Variants in HEATR5A observed in about 807,000 individuals in gnomAD.
HEATR5A encodes the protein HEAT repeat-containing protein 5A.
In HEATR5A, 178 loss-of-function variants were observed where a neutral mutation model predicts 218.8. The ratio of observed to expected loss-of-function variants is 0.81; its 90% CI spans 0.72 to 0.92. The LOEUF is 0.92. Among genes scored for constraint, HEATR5A ranks in the 40% least tolerant of loss-of-function variants. HEATR5A has a pLI of 0.00. For missense variants in HEATR5A, 2,420 were observed against 2,418.9 expected (o/e 1.00, Z -0.01); for synonymous variants, 864 against 871.6 (o/e 0.99, Z 0.15).
intron 13 of HEATR5A, among the ~76,000 whole-genome samples, chr14:31,364,861 A>G (rs1901745973): frequency 6.6e-6 from 1 of 152,048 alleles, no homozygotes; most frequent in African/African-American, 2.4e-5. Flanking sequence ...CTAAAGGACT[A>G]CTACTGTTTT....
intron 22 of HEATR5A, 29 bp from the exon 23 acceptor site, chr14:31,326,371 TA>T: frequency 6.4e-7 from 1 of 1,554,076 alleles, no homozygotes. Flanking sequence ...ATTATCTAAG[TA>T]ATACAGAAAA....
rs193122840 is a variant in HEATR5A, at chr14:31,398,819, A to G, written c.339-38T>C. 9.6e-5 allele frequency: 108 copies of G among 1,119,412 alleles called. 1 individual carries two copies. The East Asian group carries it at 2.2e-3, about 23-fold the overall frequency. The allele number at this position is 1,119,412 out of a possible 1,614,324, so 69.3% of individuals were successfully genotyped here. On this transcript the variant is annotated intron_variant, in intron 3 of 35. Transcript: ENST00000543095. ...TTAAATTAGAAATTAGTCACAGCTG[A>G]AAAAATAGGAATAAAAAGATCTTAG...
At chr14:31,395,773 T>A (rs1043583613) in intron 4 of HEATR5A, among the ~76,000 whole-genome samples, 2 of 152,138 alleles carry the variant, frequency 1.3e-5, no homozygotes, top group African/African-American at 4.8e-5. Flanking sequence ...TTGTAAGGAA[T>A]AAATGAGTCA....
intron 22 of HEATR5A, among the ~76,000 whole-genome samples, chr14:31,333,399 C>T (rs1900543561): frequency 6.6e-6 from 1 of 151,936 alleles, no homozygotes; most frequent in Non-Finnish European, 1.5e-5. Context: ...CAGGCACCCA[C>T]CATCATCACA....
intron 1 of HEATR5A, among the ~76,000 whole-genome samples, chr14:31,409,339 T>G (rs867814257): frequency 6.8e-6 from 1 of 147,576 alleles, no homozygotes; most frequent in Non-Finnish European, 1.5e-5. Context: ...TGAGCCACCA[T>G]GCCCGGCCTC....
At chr14:31,310,627 A>G (rs1348665377) in intron 28 of HEATR5A, among the ~76,000 whole-genome samples, 2 of 152,172 alleles carry the variant, frequency 1.3e-5, no homozygotes, top group Non-Finnish European at 2.9e-5. Context: ...GCCACAGAGC[A>G]AGACTCCACC....
chr14:31,399,265 G>A (rs1407165740), intron 3 of HEATR5A, among the ~76,000 whole-genome samples: 2 of 152,126 alleles, frequency 1.3e-5, no homozygotes, highest in Non-Finnish European at 2.9e-5. Flanking sequence ...CGACACTTAG[G>A]TGAATATGAT....
chr14:31,309,760 G>A (rs1198033561), intron 28 of HEATR5A, among the ~76,000 whole-genome samples: 1 of 151,560 alleles, frequency 6.6e-6, no homozygotes, highest in Non-Finnish European at 1.5e-5. Flanking sequence ...TCACTGCAGT[G>A]GCGTGATGTC....
At chr14:31,309,814 C>A (rs921655844) in intron 28 of HEATR5A, among the ~76,000 whole-genome samples, 1 of 151,956 alleles carries the variant, frequency 6.6e-6, no homozygotes, top group African/African-American at 2.4e-5. Flanking sequence ...GCGATTCTCC[C>A]GCCTCAGCCT....
At chr14:31,352,793 A>G (rs548556018) in intron 16 of HEATR5A, among the ~76,000 whole-genome samples, 1 of 152,194 alleles carries the variant, frequency 6.6e-6, no homozygotes, top group African/African-American at 2.4e-5. Context: ...CTCCATCTCT[A>G]TTAAAAATAT....
At chr14:31,327,214 A>T (rs1436540711) in intron 22 of HEATR5A, among the ~76,000 whole-genome samples, 1 of 148,922 alleles carries the variant, frequency 6.7e-6, no homozygotes, top group Non-Finnish European at 1.5e-5. Flanking sequence ...ACCTCAAGTG[A>T]TCCACCCACC....
chr14:31,340,564 A>C, intron 21 of HEATR5A: 1 of 790,638 alleles, frequency 1.3e-6, no homozygotes, highest in Non-Finnish European at 1.8e-6. Context: ...TAAGCATTAA[A>C]ATATAAATGT....
intron 12 of HEATR5A, among the ~76,000 whole-genome samples, chr14:31,372,474 G>A (rs936540943): frequency 6.6e-6 from 1 of 152,166 alleles, no homozygotes; most frequent in South Asian, 2.1e-4. Flanking sequence ...GAGACATGGT[G>A]TCTGGAATAA....
At chr14:31,306,999 G>GTGCA in intron 30 of HEATR5A, 120 bp from the exon 31 acceptor site, 2 of 792,926 alleles carry the variant, frequency 2.5e-6, no homozygotes, top group South Asian at 4.2e-5. Flanking sequence ...AATTGCTTTA[G>GTGCA]TGCAATAAAG....
intron 13 of HEATR5A, among the ~76,000 whole-genome samples, chr14:31,368,695 CTATTTATTTATTTATTTATTTATTTATT>C (rs71708210): frequency 7.7e-6 from 1 of 130,604 alleles, no homozygotes; most frequent in African/African-American, 2.7e-5. Context: ...ACATCTGACT[CTATTTATTTATTTATTTATTTATTTATT>C]TATTTATTTA....
At position 31,305,010 on chromosome 14, in the gene HEATR5A, C is replaced by T; in HGVS notation, c.5134G>A (p.Gly1712Arg). 1 of 1,613,914 alleles carries T rather than the reference C, an allele frequency of 6.2e-7. No homozygotes were observed. The highest frequency in any genetic ancestry group is 8.5e-7 in the Non-Finnish European group (1 of 1,179,874). The stretch of plus-strand genomic sequence containing the variant: ...ATCTGTGGCTTCGTAGCTTTTACTC[C>T]TGGGCTACCTGTCAATTTAGGGTTT... ...ELNPKLTGSP[G>R]VKATKPQILL... Residue 1712 changes from glycine to arginine, a missense_variant, in exon 32 of 36, where the codon GGA becomes AGA. Gly to Arg is a moderately radical substitution (Grantham distance 125). Coordinates refer to ENST00000543095, the MANE Select transcript of HEATR5A (RefSeq NM_015473.4).
rs749849557 is a variant in HEATR5A, at chr14:31,386,399, A to G, written c.1345+21T>C. ...GTTATCTAGTGTACAAGGTATTCCAATGAGTCACAAACAGATATACCTGTA... is the reference window on the plus strand; with the variant it reads ...GTTATCTAGTGTACAAGGTATTCCAGTGAGTCACAAACAGATATACCTGTA... On this transcript the variant is annotated intron_variant, in intron 9 of 35. Transcript: ENST00000543095. 24 of 1,603,304 alleles carry G rather than the reference A, an allele frequency of 1.5e-5. No individual in the cohort carries two copies. In the Admixed American group the frequency reaches 2.9e-4, roughly 19 times the overall value.
rs1899968158 is a variant in HEATR5A, at chr14:31,318,052, T to C, written c.4038+172A>G. Among the ~76,000 whole-genome samples, 2 of 152,172 alleles carry C rather than the reference T, an allele frequency of 1.3e-5. 1 individual carries two copies. Among genetic ancestry groups the C allele is most frequent in the African/African-American group, 4.8e-5 (2 of 41,436 alleles). On this transcript the variant is annotated intron_variant, in intron 26 of 35. Transcript: ENST00000543095. The stretch of plus-strand genomic sequence containing the variant: ...CTGGTTAAATAAATTATAACATATC[T>C]ATATAGTGGATTATCATGCAGTTAT...
intron 24 of HEATR5A, 150 bp from the exon 25 acceptor site, chr14:31,321,830 C>T: frequency 1.6e-6 from 1 of 623,926 alleles, no homozygotes; most frequent in East Asian, 2.8e-5. Context: ...TAAATAGAGA[C>T]TTTAAAGCTG....
Sources: allele counts gnomAD v4.1 joint callset (sites outside exome capture counted in the v4.1 genomes callset), GRCh38; gene constraint gnomAD v4.1.1; transcripts MANE v1.5; gene names NCBI Gene and HGNC (gene_info 2026-07-23, HGNC 2026-07-21).